Variants in HAPLN1 observed in about 807,000 individuals in gnomAD.
HAPLN1 encodes hyaluronan and proteoglycan link protein 1, also known as Cartilage link protein.
A neutral mutation model predicts 36.5 loss-of-function variants in HAPLN1; 13 were observed. That is an observed-to-expected ratio of 0.36 (90% confidence interval 0.23 to 0.57). HAPLN1 has a LOEUF of 0.57. HAPLN1 is among the 20% of genes least tolerant of loss of function. The probability of loss-of-function intolerance (pLI) is 0.83; values close to 1 mark genes in which losing one functional copy is unlikely to be tolerated. For missense variants in HAPLN1, 407 were observed against 439.7 expected (o/e 0.93, Z 0.66); for synonymous variants, 202 against 169.8 (o/e 1.19, Z -1.48).
chr5:83,644,289 A>T, intron 4 of HAPLN1, 74 bp downstream of exon 4: 1 of 1,132,516 alleles, frequency 8.8e-7, no homozygotes, highest in Admixed American at 3.1e-5. Flanking sequence ...AGATAAGATT[A>T]AAAGCCAAGT....
At position 83,704,439 on chromosome 5, in the gene HAPLN1, A is replaced by G. The variant is rs539992726; in HGVS notation, c.-27+16350T>C. ...TGAATGTAAATGGGATAAATTTCTC[A>G]CTTAAAAGGCACAGAGTGACAAACT... On this transcript the variant is annotated intron_variant, in intron 1 of 4. Coordinates refer to ENST00000274341, the MANE Select transcript of HAPLN1 (RefSeq NM_001884.4). Among the ~76,000 whole-genome samples the G allele has an allele frequency of 2.0e-5, 3 of 152,334 alleles. No homozygotes were observed. The East Asian group carries it at 5.8e-4, about 29-fold the overall frequency.
intron 1 of HAPLN1, among the ~76,000 whole-genome samples, chr5:83,696,626 G>C (rs1352313466): frequency 6.6e-6 from 1 of 152,050 alleles, no homozygotes; most frequent in Non-Finnish European, 1.5e-5. Context: ...TGGCCAAACT[G>C]CTCTTCAGAA....
rs1387701710 is a variant in HAPLN1, at chr5:83,712,154, C to T, written c.-27+8635G>A. Among the ~76,000 whole-genome samples, 4 of 152,210 alleles carry T rather than the reference C, an allele frequency of 2.6e-5. No individual in the cohort carries two copies. The South Asian group carries it at 8.3e-4, about 32-fold the overall frequency. On this transcript the variant is annotated intron_variant, in intron 1 of 4. Coordinates refer to ENST00000274341, the MANE Select transcript of HAPLN1 (RefSeq NM_001884.4). ...ACATTGACCAAATGGTCAAGCTGGA[C>T]TTTTACATTGGGTAATACCTCAAAG...
intron 1 of HAPLN1, among the ~76,000 whole-genome samples, chr5:83,703,739 G>C (rs1267515627): frequency 6.6e-6 from 1 of 152,102 alleles, no homozygotes; most frequent in East Asian, 1.9e-4. Context: ...TCCTGAAAGG[G>C]ATGGGGAGAA....
At chr5:83,651,146 T>C (rs1373198509) in intron 3 of HAPLN1, among the ~76,000 whole-genome samples, 1 of 152,194 alleles carries the variant, frequency 6.6e-6, no homozygotes, top group African/African-American at 2.4e-5. Context: ...TTTTGCTATA[T>C]AAACATAGGG....
At position 83,641,709 on chromosome 5, in the gene HAPLN1, A is replaced by G. The variant is rs140339308; in HGVS notation, c.852T>C (p.Ala284=). The part of the protein sequence containing the change: ...EAVQACLNDG[A]QIAKVGQIFA... ...ATATCTGGCCCACTTTTGCAATCTG[A>G]GCACCATCATTGAGACAAGCTTGCA... The change falls in exon 5 of 5, where the codon GCT becomes GCC. Residue 284 remains alanine (A), a synonymous_variant. Coordinates refer to ENST00000274341, the MANE Select transcript of HAPLN1 (RefSeq NM_001884.4). The G allele has an allele frequency of 2.8e-4, 451 of 1,614,162 alleles. 2 individuals are homozygous for G. In the African/African-American group the frequency reaches 5.5e-3, roughly 20 times the overall value.
At chr5:83,673,966 T>C (rs1750795364) in intron 1 of HAPLN1, among the ~76,000 whole-genome samples, 1 of 152,274 alleles carries the variant, frequency 6.6e-6, no homozygotes. Flanking sequence ...AATTAGAAAG[T>C]GAATCTAAAG....
chr5:83,646,883 T>G (rs1561300023), intron 3 of HAPLN1, among the ~76,000 whole-genome samples: 1 of 152,218 alleles, frequency 6.6e-6, no homozygotes, highest in African/African-American at 2.4e-5. Context: ...ATTTATTCAG[T>G]AGAGATTCCT....
rs1188964493 is a variant in HAPLN1 at position 83,641,412 on chromosome 5, A to C, written c.*84T>G. The C allele has an allele frequency of 1.6e-6, 2 of 1,284,844 alleles. No individual in the cohort carries two copies. Among genetic ancestry groups the C allele is most frequent in the Non-Finnish European group, 2.1e-6 (2 of 937,208 alleles). 79.6% of individuals were successfully genotyped at this position (1,284,844 alleles called of 1,614,324 possible). A position where few individuals can be genotyped will look rare whatever the true frequency, so the allele number is the denominator to read the frequency against. On this transcript the variant is annotated 3_prime_UTR_variant, in exon 5 of 5. Coordinates refer to ENST00000274341, the MANE Select transcript of HAPLN1 (RefSeq NM_001884.4). The stretch of plus-strand genomic sequence containing the variant: ...AAAAAGGGTTATCACAGTTTTGGTA[A>C]CTTGCATGAGTTCATATTGGAAAAA...
intron 1 of HAPLN1, among the ~76,000 whole-genome samples, chr5:83,705,895 TA>T (rs1408310464): frequency 6.6e-6 from 1 of 151,900 alleles, no homozygotes. Context: ...AAGAGGATGT[TA>T]CCACTGACCC....
At chr5:83,694,208 A>G (rs1453992468) in intron 1 of HAPLN1, among the ~76,000 whole-genome samples, 1 of 152,046 alleles carries the variant, frequency 6.6e-6, no homozygotes, top group Admixed American at 6.6e-5. Context: ...AGGGTCAGTG[A>G]AAAAATCAAA....
At chr5:83,720,115 A>T (rs1751988835) in intron 1 of HAPLN1, among the ~76,000 whole-genome samples, 1 of 152,254 alleles carries the variant, frequency 6.6e-6, no homozygotes, top group East Asian at 1.9e-4. Flanking sequence ...CAGTCTCAAC[A>T]TACAAATAAT....
At position 83,673,603 on chromosome 5, in the gene HAPLN1, G is replaced by A. The variant is rs979564906; in HGVS notation, c.-26-54C>T. 3.1e-6 allele frequency: 3 copies of A among 965,472 alleles called. No homozygotes were observed. In the African/African-American group the frequency reaches 4.9e-5, roughly 16 times the overall value. The allele number at this position is 965,472 out of a possible 1,614,324, so 59.8% of individuals were successfully genotyped here. A position where few individuals can be genotyped will look rare whatever the true frequency, so the allele number is the denominator to read the frequency against. On this transcript the variant is annotated intron_variant, in intron 1 of 4. Coordinates refer to ENST00000274341, the MANE Select transcript of HAPLN1 (RefSeq NM_001884.4). ...TGTGAGATTTGGAACCCTTTGGAGT[G>A]TTGCACTGCACAACTTATTACCGCC... is the stretch of plus-strand genomic sequence containing the variant.
chr5:83,668,720 T>C (rs546315519), intron 2 of HAPLN1, among the ~76,000 whole-genome samples: 10 of 152,342 alleles, frequency 6.6e-5, no homozygotes, highest in South Asian at 4.1e-4. Flanking sequence ...CAAACATACA[T>C]TGAGCACCTA....
chr5:83,713,221 A>G (rs1751835636), intron 1 of HAPLN1, among the ~76,000 whole-genome samples: 1 of 152,152 alleles, frequency 6.6e-6, no homozygotes, highest in South Asian at 2.1e-4. Flanking sequence ...GGTCTTACTC[A>G]GGGTTATCAT....
chr5:83,706,635 G>A (rs2112634599), intron 1 of HAPLN1, among the ~76,000 whole-genome samples: 2 of 152,202 alleles, frequency 1.3e-5, no homozygotes, highest in Middle Eastern at 6.8e-3. Context: ...TACTGAATGG[G>A]CAAAAGCTGG....
chr5:83,644,729 C>T (rs1457082), intron 3 of HAPLN1, 64 bp from the exon 4 acceptor site: 805,062 of 1,226,672 alleles, frequency 0.66, 268,317 homozygotes, highest in Middle Eastern at 0.73. Flanking sequence ...GAGCAAATGC[C>T]ACCTAGTTGG....
rs910511105 is a variant in HAPLN1, at chr5:83,641,273, T to C, written c.*223A>G. On this transcript the variant is annotated 3_prime_UTR_variant, in exon 5 of 5. Coordinates refer to ENST00000274341, the MANE Select transcript of HAPLN1 (RefSeq NM_001884.4). ...TTAAACAGTTTGGCTCTAAGTCTCC[T>C]TACATAGAGCTTCCCTTAAATTTAT... The C allele has an allele frequency of 2.1e-5, 5 of 238,036 alleles. No individual in the cohort carries two copies. The highest frequency in any genetic ancestry group is 1.1e-4 in the African/African-American group (5 of 44,280). 14.7% of individuals were successfully genotyped at this position (238,036 alleles called of 1,614,324 possible).
chr5:83,692,209 A>T (rs115733374), intron 1 of HAPLN1, among the ~76,000 whole-genome samples: 2,643 of 152,048 alleles, frequency 0.017, 88 homozygotes, highest in African/African-American at 0.061. Context: ...AAGGGGCAGA[A>T]AAAAATTTGA....
Sources: gnomAD v4.1 joint callset for allele counts (sites outside exome capture counted in the v4.1 genomes callset) on GRCh38, gnomAD v4.1.1 for gene constraint, MANE v1.5 for transcripts, NCBI Gene and HGNC (gene_info 2026-07-23, HGNC 2026-07-21) for gene names.